Variants in SCAPER observed in about 807,000 individuals in gnomAD.
SCAPER encodes the protein S phase cyclin A-associated protein in the endoplasmic reticulum.
Under a neutral mutation model 182.2 loss-of-function variants are expected in SCAPER, and 98 were observed. That is an observed-to-expected ratio of 0.54 (90% CI 0.46 to 0.64). The LOEUF (loss-of-function observed/expected upper bound fraction) is 0.64, where lower values mean the gene tolerates loss of function less well. SCAPER is among the 30% of genes least tolerant of loss of function. The pLI, the probability that SCAPER is intolerant of heterozygous loss-of-function variation, is 0.00. For missense variants in SCAPER, 1,432 were observed against 1,690.0 expected (o/e 0.85, Z 2.68); for synonymous variants, 605 against 564.6 (o/e 1.07, Z -1.01).
At chr15:76,634,532 G>A (rs1439123904) in intron 21 of SCAPER, among the ~76,000 whole-genome samples, 1 of 151,774 alleles carries the variant, frequency 6.6e-6, no homozygotes, top group Non-Finnish European at 1.5e-5. Flanking sequence ...ACCAATTTTG[G>A]GAGTATCACC....
intron 8 of SCAPER, among the ~76,000 whole-genome samples, chr15:76,780,823 C>T (rs1378287563): frequency 6.6e-6 from 1 of 152,080 alleles, no homozygotes; most frequent in African/African-American, 2.4e-5. Context: ...CTAACAAACA[C>T]AAAGGAATAG....
intron 8 of SCAPER, chr15:76,793,514 C>A: frequency 2.4e-6 from 1 of 415,702 alleles, no homozygotes; most frequent in Non-Finnish European, 4.3e-6. Flanking sequence ...ATCAATCATG[C>A]CTAGATAATG....
intron 17 of SCAPER, among the ~76,000 whole-genome samples, chr15:76,716,804 T>G (rs192529106): frequency 6.6e-6 from 1 of 151,990 alleles, no homozygotes; most frequent in East Asian, 1.9e-4. Flanking sequence ...AAACAAATAT[T>G]CACATTGTAG....
chr15:76,513,498 T>C (rs936963394), intron 23 of SCAPER, among the ~76,000 whole-genome samples: 5 of 152,190 alleles, frequency 3.3e-5, no homozygotes, highest in Admixed American at 1.3e-4. Context: ...TTCGCAAGCA[T>C]GTGGCGTTAA....
intron 17 of SCAPER, among the ~76,000 whole-genome samples, chr15:76,719,127 T>A (rs1483263135): frequency 6.6e-6 from 1 of 152,154 alleles, no homozygotes; most frequent in Non-Finnish European, 1.5e-5. Flanking sequence ...TTATTCATAA[T>A]AGCCAAGATA....
chr15:76,652,369 C>CATATATATATATAT (rs1431041058), intron 21 of SCAPER, among the ~76,000 whole-genome samples: 2 of 13,702 alleles, frequency 1.5e-4, no homozygotes, highest in African/African-American at 6.4e-4. Flanking sequence ...CACACACACA[C>CATATATATATATAT]ACATATATAT....
intron 27 of SCAPER, among the ~76,000 whole-genome samples, chr15:76,390,833 C>G (rs1455398691): frequency 6.6e-6 from 1 of 152,120 alleles, no homozygotes; most frequent in Non-Finnish European, 1.5e-5. Context: ...ATTGCTTCTG[C>G]TGGGAGGGTA....
intron 26 of SCAPER, among the ~76,000 whole-genome samples, chr15:76,417,354 C>T (rs2045724526): frequency 6.6e-6 from 1 of 152,222 alleles, no homozygotes. Flanking sequence ...GATACATCAT[C>T]TGCTGCTGCA....
intron 13 of SCAPER, 36 bp from the exon 14 acceptor site, chr15:76,765,108 T>C: frequency 3.5e-6 from 5 of 1,415,754 alleles, no homozygotes; most frequent in Non-Finnish European, 4.8e-6. Context: ...AGACATGAAA[T>C]GTTTACATGA....
chr15:76,402,391 A>C (rs1232654175), intron 27 of SCAPER, among the ~76,000 whole-genome samples: 1 of 152,212 alleles, frequency 6.6e-6, no homozygotes, highest in African/African-American at 2.4e-5. Context: ...CCATTGGCAG[A>C]TGACCACGTG....
intron 16 of SCAPER, among the ~76,000 whole-genome samples, chr15:76,732,457 A>G (rs891324608): frequency 3.3e-5 from 5 of 152,298 alleles, no homozygotes; most frequent in African/African-American, 4.8e-5. Context: ...CATAGTGAGA[A>G]GTGACCAGAA....
intron 23 of SCAPER, among the ~76,000 whole-genome samples, chr15:76,564,565 T>C (rs1330071939): frequency 6.6e-6 from 1 of 152,122 alleles, no homozygotes. Context: ...GAAGACTCAA[T>C]ATTGTTAAAA....
chr15:76,760,042 A>G (rs758998213), intron 14 of SCAPER, among the ~76,000 whole-genome samples: 16 of 152,208 alleles, frequency 1.1e-4, no homozygotes, highest in Non-Finnish European at 2.1e-4. Flanking sequence ...CATACAACAC[A>G]ATAACAATTC....
chr15:76,421,508 A>G (rs1438718179), intron 26 of SCAPER, among the ~76,000 whole-genome samples: 1 of 152,060 alleles, frequency 6.6e-6, no homozygotes, highest in East Asian at 1.9e-4. Flanking sequence ...TTCTTTGTAG[A>G]TTCTGGATAT....
intron 22 of SCAPER, among the ~76,000 whole-genome samples, chr15:76,604,938 G>A (rs911156519): frequency 6.6e-6 from 1 of 151,970 alleles, no homozygotes; most frequent in African/African-American, 2.4e-5. Context: ...TGAGACGATG[G>A]GGTTTTCTAA....
intron 23 of SCAPER, among the ~76,000 whole-genome samples, chr15:76,519,485 G>C (rs1282667015): frequency 1.3e-5 from 2 of 152,198 alleles, no homozygotes; most frequent in Non-Finnish European, 2.9e-5. Context: ...TTAACTTTGT[G>C]ATATAAGTGA....
intron 20 of SCAPER, among the ~76,000 whole-genome samples, chr15:76,684,347 A>AT (rs2057907114): frequency 6.6e-6 from 1 of 152,206 alleles, no homozygotes; most frequent in Admixed American, 6.5e-5. Flanking sequence ...CATATGCTCA[A>AT]TGTAAAGGGA....
At chr15:76,623,866 A>AT (rs903960865) in intron 21 of SCAPER, among the ~76,000 whole-genome samples, 64 of 146,764 alleles carry the variant, frequency 4.4e-4, no homozygotes, top group African/African-American at 1.6e-3. Flanking sequence ...TCCCTTCATG[A>AT]TAAAAAACCC....
At chr15:76,821,535 G>A (rs964251884) in intron 5 of SCAPER, among the ~76,000 whole-genome samples, 2 of 151,814 alleles carry the variant, frequency 1.3e-5, no homozygotes, top group East Asian at 3.9e-4. Context: ...GGTTGGGGGG[G>A]ATCACTTGAG....
Sources: gnomAD v4.1 joint callset for allele counts (sites outside exome capture counted in the v4.1 genomes callset) on GRCh38, gnomAD v4.1.1 for gene constraint, MANE v1.5 for transcripts, NCBI Gene and HGNC (gene_info 2026-07-23, HGNC 2026-07-21) for gene names.